Variants in RALGAPA1 observed in about 807,000 individuals in gnomAD.
RALGAPA1 encodes Ral GTPase activating protein catalytic subunit alpha 1.
A neutral mutation model predicts 269.6 loss-of-function variants in RALGAPA1; 52 were observed. The observed-to-expected ratio is 0.19, with a 90% CI of 0.15 to 0.24. RALGAPA1 has a LOEUF of 0.24. RALGAPA1 is among the 10% of genes least tolerant of loss of function. The pLI is 1.00. For synonymous variants in RALGAPA1, 817 were observed against 1,008.3 expected (o/e 0.81, Z 3.60); for missense variants, 1,917 against 3,013.9 (o/e 0.64, Z 8.52).
intron 12 of RALGAPA1, among the ~76,000 whole-genome samples, chr14:35,731,913 C>A (rs2070511077): frequency 6.6e-6 from 1 of 152,260 alleles, no homozygotes; most frequent in Non-Finnish European, 1.5e-5. Flanking sequence ...GCAAAAAGAT[C>A]ATCACCTAGG....
chr14:35,679,431 C>T (rs754374552), intron 21 of RALGAPA1, among the ~76,000 whole-genome samples: 9 of 152,236 alleles, frequency 5.9e-5, no homozygotes, highest in Non-Finnish European at 1.3e-4. Context: ...ACCTAATCAA[C>T]TGAACATCAT....
rs59349814 is a variant in RALGAPA1 at position 35,720,054 on chromosome 14, C to T, written c.2266+1634G>A. 3.4e-3 allele frequency among the ~76,000 whole-genome samples: 518 copies of T among 152,246 alleles called. 3 individuals carry two copies. Among genetic ancestry groups the T allele is most frequent in the African/African-American group, 0.012 (481 of 41,558 alleles). On this transcript the variant is annotated intron_variant, in intron 16 of 41. Transcript: ENST00000680220. ...GGCGTAAGCCACCGCGCCCGGCCAACAATTCTTAATACACAAATATTTTCT... is the reference window on the plus strand; with the variant it reads ...GGCGTAAGCCACCGCGCCCGGCCAATAATTCTTAATACACAAATATTTTCT...
intron 35 of RALGAPA1, among the ~76,000 whole-genome samples, chr14:35,619,935 C>G (rs369629660): frequency 6.6e-6 from 1 of 152,140 alleles, no homozygotes; most frequent in Non-Finnish European, 1.5e-5. Flanking sequence ...CCAAATTCTA[C>G]CAGAGGTACA....
chr14:35,802,398 T>C (rs1376872786), intron 1 of RALGAPA1, among the ~76,000 whole-genome samples: 1 of 152,270 alleles, frequency 6.6e-6, no homozygotes, highest in East Asian at 1.9e-4. Context: ...TTTCCTGATA[T>C]GAGATCCAAT....
At position 35,709,299 on chromosome 14, in the gene RALGAPA1, C is replaced by T. The variant is rs149903787; in HGVS notation, c.2267-8997G>A. ...CCCATTTACACTGATGTGATTAATA[C>T]GCATTGTACTCCTGTATCAAAATAT... On this transcript the variant is annotated intron_variant, in intron 16 of 41. Transcript: ENST00000680220. Among the ~76,000 whole-genome samples the T allele has an allele frequency of 2.7e-3, 406 of 152,124 alleles. 1 individual carries two copies. Among genetic ancestry groups the T allele is most frequent in the African/African-American group, 8.6e-3 (357 of 41,530 alleles).
At chr14:35,666,651 T>C (rs781420599) in intron 26 of RALGAPA1, among the ~76,000 whole-genome samples, 1 of 152,222 alleles carries the variant, frequency 6.6e-6, no homozygotes, top group Non-Finnish European at 1.5e-5. Flanking sequence ...GTATCCCTCA[T>C]ATGAACCAGA....
intron 9 of RALGAPA1, among the ~76,000 whole-genome samples, chr14:35,749,781 A>G (rs984698020): frequency 6.6e-6 from 1 of 152,166 alleles, no homozygotes; most frequent in African/African-American, 2.4e-5. Flanking sequence ...ATTCTGATGA[A>G]CTAAACACAC....
chr14:35,626,247 C>A (rs2060981751), intron 34 of RALGAPA1, among the ~76,000 whole-genome samples: 1 of 152,070 alleles, frequency 6.6e-6, no homozygotes, highest in South Asian at 2.1e-4. Flanking sequence ...AGTTTTAAAT[C>A]AAGTAAGAGT....
intron 4 of RALGAPA1, among the ~76,000 whole-genome samples, chr14:35,763,868 T>C (rs1259506339): frequency 3.9e-5 from 6 of 152,122 alleles, no homozygotes; most frequent in Admixed American, 3.9e-4. Flanking sequence ...AAAGTAGTTG[T>C]AACAATTAAC....
At chr14:35,601,794 A>G (rs2059306014) in intron 36 of RALGAPA1, among the ~76,000 whole-genome samples, 1 of 152,202 alleles carries the variant, frequency 6.6e-6, no homozygotes, top group Admixed American at 6.5e-5. Context: ...TATTGTACTC[A>G]GTAGGAAGAA....
chr14:35,650,826 T>A (rs1374708507), intron 31 of RALGAPA1, among the ~76,000 whole-genome samples: 1 of 151,980 alleles, frequency 6.6e-6, no homozygotes, highest in Non-Finnish European at 1.5e-5. Flanking sequence ...ACTAATAGAA[T>A]CTAGAGCAGC....
chr14:35,542,907 A>ATG (rs2054138510), intron 41 of RALGAPA1, among the ~76,000 whole-genome samples: 1 of 152,210 alleles, frequency 6.6e-6, no homozygotes, highest in Admixed American at 6.5e-5. Flanking sequence ...TGGGATATAT[A>ATG]GGGATTATAA....
At chr14:35,804,325 C>CT (rs2077199568) in intron 1 of RALGAPA1, among the ~76,000 whole-genome samples, 1 of 145,194 alleles carries the variant, frequency 6.9e-6, no homozygotes, top group South Asian at 2.2e-4. Context: ...AATCCCAGCA[C>CT]TTTGGAAGGC....
intron 31 of RALGAPA1, among the ~76,000 whole-genome samples, chr14:35,651,226 G>C (rs1380693676): frequency 6.6e-6 from 1 of 152,032 alleles, no homozygotes; most frequent in African/African-American, 2.4e-5. Context: ...ATCTATAAGA[G>C]AAGATGTATA....
At chr14:35,628,093 A>G (rs2061102391) in intron 33 of RALGAPA1, 142 bp from the exon 34 acceptor site, 1 of 990,706 alleles carries the variant, frequency 1.0e-6, no homozygotes, top group African/African-American at 1.6e-5. Flanking sequence ...TAATGATGGC[A>G]AAAAAGGAGG....
chr14:35,754,669 T>C (rs1365765710), intron 7 of RALGAPA1, among the ~76,000 whole-genome samples: 1 of 152,184 alleles, frequency 6.6e-6, no homozygotes, highest in Non-Finnish European at 1.5e-5. Context: ...GTTTCTTAAA[T>C]AGTCAATATA....
chr14:35,715,827 T>C (rs1314507095), intron 16 of RALGAPA1: 1 of 985,438 alleles, frequency 1.0e-6, no homozygotes, highest in Admixed American at 6.1e-5. Flanking sequence ...TTATCAGCAA[T>C]TTGCTTCAAG....
At chr14:35,771,516 A>G (rs1229784449) in intron 3 of RALGAPA1, among the ~76,000 whole-genome samples, 1 of 152,262 alleles carries the variant, frequency 6.6e-6, no homozygotes, top group African/African-American at 2.4e-5. Context: ...AAGCCTCAAA[A>G]AACAACAAGC....
chr14:35,605,723 G>T lies in RALGAPA1; in HGVS notation c.6930-14C>A, dbSNP rs1450358970. On this transcript the variant is annotated splice_polypyrimidine_tract_variant and intron_variant, in intron 35 of 41. Coordinates refer to ENST00000680220, the MANE Select transcript of RALGAPA1 (RefSeq NM_001346249.2). ...TGTGTCTCTCGGCTATAAAACAAAA[G>T]ATTACACCATTAATTTAATCACTAT... 6.3e-7 allele frequency: 1 copy of T among 1,599,582 alleles called. No homozygotes were observed. The highest frequency in any genetic ancestry group is 1.8e-5 in the Admixed American group (1 of 55,376).
Sources: allele counts gnomAD v4.1 joint callset (sites outside exome capture counted in the v4.1 genomes callset), GRCh38; gene constraint gnomAD v4.1.1; transcripts MANE v1.5; gene names NCBI Gene and HGNC (gene_info 2026-07-23, HGNC 2026-07-21).